Variants in TRPC4 observed in about 807,000 individuals in gnomAD.
TRPC4 encodes the protein transient receptor potential cation channel subfamily C member 4.
A neutral mutation model predicts 99.4 loss-of-function variants in TRPC4; 49 were observed. The observed-to-expected ratio is 0.49, with a 90% CI of 0.39 to 0.63. The LOEUF (loss-of-function observed/expected upper bound fraction) is 0.63. TRPC4 is among the 20% of genes least tolerant of loss of function. The pLI is 0.00. For synonymous variants in TRPC4, 454 were observed against 425.9 expected (o/e 1.07, Z -0.81); for missense variants, 898 against 1,152.9 (o/e 0.78, Z 3.20).
intron 1 of TRPC4, among the ~76,000 whole-genome samples, chr13:37,796,500 A>G (rs1167138066): frequency 6.6e-6 from 1 of 151,908 alleles, no homozygotes; most frequent in African/African-American, 2.4e-5. Context: ...CTAGGTTTTT[A>G]TTATGTTCTG....
intron 1 of TRPC4, among the ~76,000 whole-genome samples, chr13:37,811,607 C>A (rs868784279): frequency 1.3e-5 from 2 of 152,032 alleles, no homozygotes; most frequent in Admixed American, 6.6e-5. Context: ...AGAATGTTCT[C>A]GTCTAGTATT....
chr13:37,682,301 T>C (rs1430846217), intron 4 of TRPC4, among the ~76,000 whole-genome samples: 1 of 152,212 alleles, frequency 6.6e-6, no homozygotes, highest in Non-Finnish European at 1.5e-5. Flanking sequence ...TCAATGAAGA[T>C]AAAAGAACAC....
At chr13:37,716,044 G>C (rs1954651591) in intron 3 of TRPC4, among the ~76,000 whole-genome samples, 2 of 152,148 alleles carry the variant, frequency 1.3e-5, no homozygotes, top group African/African-American at 4.8e-5. Flanking sequence ...ATAAAACTTT[G>C]TTAGAATGTA....
intron 2 of TRPC4, among the ~76,000 whole-genome samples, chr13:37,776,338 A>T (rs1217169484): frequency 1.3e-5 from 2 of 151,942 alleles, no homozygotes; most frequent in African/African-American, 4.8e-5. Flanking sequence ...TGATAAATCG[A>T]TATATAAAGA....
intron 2 of TRPC4, among the ~76,000 whole-genome samples, chr13:37,758,055 G>GT (rs1401163413): frequency 6.6e-5 from 10 of 151,900 alleles, no homozygotes; most frequent in Admixed American, 2.0e-4. Context: ...ATTCACGTAA[G>GT]TTACTGACTT....
chr13:37,656,815 T>C (rs116641169), intron 6 of TRPC4, among the ~76,000 whole-genome samples: 1 of 152,176 alleles, frequency 6.6e-6, no homozygotes, highest in Non-Finnish European at 1.5e-5. Context: ...AAGGATGAAG[T>C]AGCTGACTCA....
At position 37,847,857 on chromosome 13, in the gene TRPC4, G is replaced by A. The variant is rs191616606; in HGVS notation, c.-28+21738C>T. ...TGAACTCACAGAAATAGAGTAGAAT[G>A]ATGGTTACCAGAGGATAAGCAGGGA... On this transcript the variant is annotated intron_variant, in intron 1 of 10. Coordinates refer to ENST00000379705, the MANE Select transcript of TRPC4 (RefSeq NM_016179.4). Among the ~76,000 whole-genome samples, 242 of 152,212 alleles carry A rather than the reference G, an allele frequency of 1.6e-3. 1 individual carries two copies. The highest frequency in any genetic ancestry group is 2.9e-3 in the Non-Finnish European group (195 of 67,978).
chr13:37,822,424 C>T (rs1306211758), intron 1 of TRPC4, among the ~76,000 whole-genome samples: 8 of 151,138 alleles, frequency 5.3e-5, no homozygotes, highest in Non-Finnish European at 8.9e-5. Context: ...ATCCCTCCCC[C>T]CCCACCCCAC....
At chr13:37,842,402 C>G (rs1366138110) in intron 1 of TRPC4, among the ~76,000 whole-genome samples, 1 of 112,976 alleles carries the variant, frequency 8.9e-6, no homozygotes, top group Non-Finnish European at 1.8e-5. Context: ...GGGGGCAGAT[C>G]TTAGAATAAA....
intron 2 of TRPC4, among the ~76,000 whole-genome samples, chr13:37,747,395 GA>G (rs1337709003): frequency 6.6e-6 from 1 of 152,074 alleles, no homozygotes; most frequent in Non-Finnish European, 1.5e-5. Context: ...AACCCTGAGT[GA>G]ATTGCACTGC....
At chr13:37,681,461 T>A (rs999056242) in intron 4 of TRPC4, among the ~76,000 whole-genome samples, 1 of 152,176 alleles carries the variant, frequency 6.6e-6, no homozygotes, top group African/African-American at 2.4e-5. Context: ...GTATCTTTTT[T>A]TTTTGTTATT....
chr13:37,745,431 T>C (rs1341477049), intron 3 of TRPC4, among the ~76,000 whole-genome samples: 2 of 86,214 alleles, frequency 2.3e-5, no homozygotes, highest in Non-Finnish European at 4.3e-5. Flanking sequence ...TATATATATA[T>C]ATGCGTATAT....
At chr13:37,720,443 G>A (rs1188230582) in intron 3 of TRPC4, among the ~76,000 whole-genome samples, 1 of 151,824 alleles carries the variant, frequency 6.6e-6, no homozygotes, top group Non-Finnish European at 1.5e-5. Flanking sequence ...CGAGCAATGA[G>A]GTTATTATTA....
chr13:37,862,232 A>G (rs984681258), intron 1 of TRPC4, among the ~76,000 whole-genome samples: 22 of 151,396 alleles, frequency 1.5e-4, no homozygotes, highest in African/African-American at 4.8e-4. Flanking sequence ...CCTAACTATA[A>G]AAGTGCCTTC....
At chr13:37,831,980 T>G (rs685094) in intron 1 of TRPC4, among the ~76,000 whole-genome samples, 151,481 of 152,266 alleles carry the variant, frequency 0.99, 75,353 homozygotes, top group Middle Eastern at 1. Flanking sequence ...GCATAACATG[T>G]TGACTATATT....
At chr13:37,701,899 T>C (rs1954114130) in intron 3 of TRPC4, among the ~76,000 whole-genome samples, 2 of 152,182 alleles carry the variant, frequency 1.3e-5, no homozygotes, top group African/African-American at 4.8e-5. Context: ...TTGTGTTAGT[T>C]CCTAAGGGCT....
chr13:37,734,168 T>C (rs1486195558), intron 3 of TRPC4, among the ~76,000 whole-genome samples: 1 of 152,218 alleles, frequency 6.6e-6, no homozygotes, highest in African/African-American at 2.4e-5. Flanking sequence ...AACTTCTTTG[T>C]CTGAATAAAT....
At chr13:37,828,361 A>T (rs563639820) in intron 1 of TRPC4, among the ~76,000 whole-genome samples, 36 of 151,536 alleles carry the variant, frequency 2.4e-4, no homozygotes, top group African/African-American at 8.1e-4. Flanking sequence ...TGTGGAGAAA[A>T]GGGAATGCTT....
intron 8 of TRPC4, among the ~76,000 whole-genome samples, chr13:37,648,904 C>G (rs568925401): frequency 1.9e-4 from 29 of 152,198 alleles, no homozygotes; most frequent in African/African-American, 4.8e-4. Context: ...AGAGCAGGAC[C>G]CTGTGTTTTG....
Sources: gnomAD v4.1 joint callset for allele counts (sites outside exome capture counted in the v4.1 genomes callset) on GRCh38, gnomAD v4.1.1 for gene constraint, MANE v1.5 for transcripts, NCBI Gene and HGNC (gene_info 2026-07-23, HGNC 2026-07-21) for gene names.